KDM2B: variants seen among roughly 807,000 people sequenced by gnomAD.
The protein encoded by KDM2B is lysine demethylase 2B.
A neutral mutation model predicts 150.0 loss-of-function variants in KDM2B; 26 were observed. The observed-to-expected ratio is 0.17, with a 90% CI of 0.13 to 0.24. KDM2B has a LOEUF of 0.24. Among genes scored for constraint, KDM2B ranks in the 10% least tolerant of loss-of-function variants. KDM2B has a pLI of 1.00. For missense variants in KDM2B, 1,265 were observed against 1,816.9 expected, an observed-to-expected ratio of 0.70 and a Z score of 5.52; for synonymous variants, 734 against 729.5, an observed-to-expected ratio of 1.01 and a Z score of -0.10.
At chr12:121,422,017 A>G in the KDM2B span, among the ~76,000 whole-genome samples, 1 of 152,248 alleles carries the variant, frequency 6.6e-6, no homozygotes, top group Non-Finnish European at 1.5e-5. Context: ...CAGAGCTTTC[A>G]GAGGTCGTAG....
the KDM2B span, chr12:121,416,432 T>C: frequency 8.3e-7 from 1 of 1,200,530 alleles, no homozygotes; most frequent in Non-Finnish European, 1.2e-6. Context: ...TTCTTGATTG[T>C]AGGTTATTTT....
At chr12:121,528,177 C>T (rs560529140) in intron 8 of KDM2B, among the ~76,000 whole-genome samples, 1 of 152,352 alleles carries the variant, frequency 6.6e-6, no homozygotes, top group African/African-American at 2.4e-5. Context: ...GGTCATTCTA[C>T]TCCTCAGTCA....
intron 6 of KDM2B, among the ~76,000 whole-genome samples, chr12:121,536,977 G>A (rs782151082): frequency 2.6e-5 from 4 of 152,308 alleles, no homozygotes; most frequent in Middle Eastern, 3.4e-3. Context: ...CAGTGTGCAG[G>A]GAAAGTTCTC....
intron 12 of KDM2B, among the ~76,000 whole-genome samples, chr12:121,490,885 C>T (rs1233007644): frequency 6.6e-6 from 1 of 152,138 alleles, no homozygotes; most frequent in East Asian, 1.9e-4. Context: ...CATCACTTAG[C>T]ATTAATTACT....
At chr12:121,485,726 G>T (rs945074602) in intron 12 of KDM2B, among the ~76,000 whole-genome samples, 1 of 151,890 alleles carries the variant, frequency 6.6e-6, no homozygotes, top group African/African-American at 2.4e-5. Flanking sequence ...TGCACAACAC[G>T]TTCAATAATA....
chr12:121,532,708 CA>C (rs1887768733), intron 8 of KDM2B, 97 bp downstream of exon 8: 2 of 1,337,368 alleles, frequency 1.5e-6, no homozygotes, highest in Admixed American at 2.0e-5. Context: ...AATGGCCTGT[CA>C]AACCCACCAG....
At chr12:121,512,712 C>T (rs1181694980) in intron 10 of KDM2B, among the ~76,000 whole-genome samples, 4 of 152,158 alleles carry the variant, frequency 2.6e-5, no homozygotes, top group Non-Finnish European at 4.4e-5. Context: ...AGGGCAGAGC[C>T]GTGTTCGGGG....
intron 8 of KDM2B, chr12:121,524,787 C>G: frequency 4.9e-6 from 2 of 411,812 alleles, no homozygotes; most frequent in South Asian, 1.7e-5. Context: ...CCAGAGTCAT[C>G]GACAATATGA....
chr12:121,432,343 C>T (rs1873193707), intron 22 of KDM2B, among the ~76,000 whole-genome samples: 1 of 152,112 alleles, frequency 6.6e-6, no homozygotes, highest in African/African-American at 2.4e-5. Flanking sequence ...TCATGATCCC[C>T]AAAACTCAAT....
chr12:121,473,993 T>C (rs1881061575), intron 12 of KDM2B, among the ~76,000 whole-genome samples: 1 of 152,098 alleles, frequency 6.6e-6, no homozygotes, highest in African/African-American at 2.4e-5. Context: ...AGTCCACATA[T>C]TGTATGATGC....
At chr12:121,437,406 TGGAG>T (rs552021703) in intron 22 of KDM2B, among the ~76,000 whole-genome samples, 51 of 149,082 alleles carry the variant, frequency 3.4e-4, no homozygotes, top group Middle Eastern at 3.4e-3. Context: ...TTGGAAAAGA[TGGAG>T]GGAGAAAAAC....
chr12:121,515,090 G>A (rs868996290), intron 9 of KDM2B, among the ~76,000 whole-genome samples: 7 of 16 alleles, frequency 0.44, 1 homozygote, highest in Non-Finnish European at 0.5. Flanking sequence ...CACACTCCCC[G>A]TCCCCCAATC....
intron 12 of KDM2B, among the ~76,000 whole-genome samples, chr12:121,488,220 A>C (rs1381981122): frequency 6.6e-6 from 1 of 152,120 alleles, no homozygotes; most frequent in Non-Finnish European, 1.5e-5. Context: ...AGCAAATGAT[A>C]ATTTTGGGAT....
chr12:121,482,671 A>G (rs1475266282), intron 12 of KDM2B, among the ~76,000 whole-genome samples: 2 of 152,192 alleles, frequency 1.3e-5, no homozygotes, highest in Non-Finnish European at 2.9e-5. Context: ...TACATAAAGA[A>G]CAAGTGAGTC....
At chr12:121,493,347 C>A (rs577737572) in intron 12 of KDM2B, among the ~76,000 whole-genome samples, 5 of 152,116 alleles carry the variant, frequency 3.3e-5, no homozygotes, top group Middle Eastern at 3.4e-3. Flanking sequence ...GTTTTGCATG[C>A]CTTATCTCAT....
At chr12:121,471,938 A>T (rs926877419) in intron 12 of KDM2B, among the ~76,000 whole-genome samples, 4 of 152,168 alleles carry the variant, frequency 2.6e-5, no homozygotes, top group Non-Finnish European at 5.9e-5. Flanking sequence ...CCTGGCCAAC[A>T]TGGTGAGACT....
At chr12:121,486,484 C>A (rs1426778855) in intron 12 of KDM2B, among the ~76,000 whole-genome samples, 1 of 151,028 alleles carries the variant, frequency 6.6e-6, no homozygotes, top group African/African-American at 2.4e-5. Flanking sequence ...CGGCATTTTA[C>A]CATAATTAAT....
rs1308519579 is a variant in KDM2B, at chr12:121,500,755, GC to G, written c.1648-6091del. 3.3e-5 allele frequency among the ~76,000 whole-genome samples: 5 copies of G among 152,162 alleles called. No homozygotes were observed. In the East Asian group the frequency reaches 9.6e-4, roughly 29 times the overall value. ...TCTCAAGTACCCTCCCTCCATCCCA[GC>G]CCCACCGTCTGTGAAAACCCATCTG... On this transcript the variant is annotated intron_variant, in intron 11 of 22. Coordinates refer to ENST00000377071, the MANE Select transcript of KDM2B (RefSeq NM_032590.5).
intron 11 of KDM2B, among the ~76,000 whole-genome samples, chr12:121,500,829 A>G (rs1438394038): frequency 1.3e-5 from 2 of 152,226 alleles, no homozygotes; most frequent in South Asian, 2.1e-4. Flanking sequence ...GGCCAGGCAC[A>G]GTGGCTCCCG....
Sources: allele counts gnomAD v4.1 joint callset (sites outside exome capture counted in the v4.1 genomes callset), GRCh38; gene constraint gnomAD v4.1.1; transcripts MANE v1.5; gene names NCBI Gene and HGNC (gene_info 2026-07-23, HGNC 2026-07-21).